The following HFM1 variants were observed in gnomAD, a reference collection of about 807,000 sequenced individuals.
The protein encoded by HFM1 is helicase for meiosis 1.
HFM1 carries 169 observed loss-of-function variants against 192.1 expected under a neutral mutation model. The observed-to-expected ratio is 0.88, with a 90% CI of 0.78 to 1.00. HFM1 has a LOEUF of 1.00. Ranked by LOEUF, HFM1 falls within the 50% of genes least tolerant of loss-of-function variation. The pLI is 0.00. For missense variants in HFM1, 1,661 were observed against 1,668.0 expected (o/e 1.00, Z 0.07); for synonymous variants, 525 against 537.8 (o/e 0.98, Z 0.33).
intron 20 of HFM1, among the ~76,000 whole-genome samples, chr1:91,335,529 T>G (rs1654445828): frequency 6.6e-6 from 1 of 152,158 alleles, no homozygotes; most frequent in African/African-American, 2.4e-5. Flanking sequence ...TGAAAAGTAA[T>G]TTTTAAAGAT....
chr1:91,380,551 C>T (rs934465618), intron 7 of HFM1, among the ~76,000 whole-genome samples: 3 of 152,002 alleles, frequency 2.0e-5, no homozygotes, highest in Non-Finnish European at 4.4e-5. Context: ...GTCAGGAGTT[C>T]GAGACCAGCC....
chr1:91,286,052 C>A (rs993992652), intron 30 of HFM1, among the ~76,000 whole-genome samples: 1 of 152,132 alleles, frequency 6.6e-6, no homozygotes, highest in Non-Finnish European at 1.5e-5. Context: ...CAAAGAGAAG[C>A]TGTAGTTTCC....
intron 31 of HFM1, 68 bp downstream of exon 31, chr1:91,276,914 G>A: frequency 1.1e-6 from 1 of 935,364 alleles, no homozygotes; most frequent in Non-Finnish European, 1.6e-6. Flanking sequence ...TAATTAGGAT[G>A]TCATTACTAT....
chr1:91,278,642 C>T (rs541394627), intron 30 of HFM1, among the ~76,000 whole-genome samples: 3 of 152,232 alleles, frequency 2.0e-5, no homozygotes, highest in South Asian at 2.1e-4. Context: ...AGTCATGGCA[C>T]GTCTAGACAG....
At chr1:91,391,331 A>G (rs1057442295) in intron 4 of HFM1, among the ~76,000 whole-genome samples, 3 of 152,246 alleles carry the variant, frequency 2.0e-5, no homozygotes, top group Non-Finnish European at 4.4e-5. Context: ...TGGAGGCATC[A>G]CGCTACCTAA....
rs1372928795 is a variant in HFM1 at position 91,314,044 on chromosome 1, T to C, written c.3157A>G (p.Lys1053Glu). 2 of 1,605,790 alleles carry C rather than the reference T, an allele frequency of 1.2e-6. No homozygotes were observed. Among genetic ancestry groups the C allele is most frequent in the East Asian group, 2.2e-5 (1 of 44,626 alleles). Residue 1053 changes from lysine (K) to glutamate (E), a missense_variant, in exon 29 of 39, where the codon AAA becomes GAA. By Grantham distance (56) the Lys-to-Glu change is moderately conservative. Coordinates refer to ENST00000370425, the MANE Select transcript of HFM1 (RefSeq NM_001017975.6). ...LHKITDSVLL[K>E]AGSWAKKIAV... is the part of the protein sequence containing the mutation. ...ATCTTTTTAGCCCAACTTCCAGCTT[T>C]TAGCAAAACAGAATCCCTGAAAAAT...
In HFM1 at chr1:91,385,246, A is replaced by T; in HGVS notation, c.755-12T>A. The T allele has an allele frequency of 6.8e-7, 1 of 1,479,926 alleles. No homozygotes were observed. The highest frequency in any genetic ancestry group is 1.2e-5 in the South Asian group (1 of 83,544). 91.7% of individuals were successfully genotyped at this position (1,479,926 alleles called of 1,614,324 possible). On this transcript the variant is annotated splice_polypyrimidine_tract_variant and intron_variant, in intron 5 of 38. Coordinates refer to ENST00000370425, the MANE Select transcript of HFM1 (RefSeq NM_001017975.6). The stretch of plus-strand genomic sequence containing the variant: ...ATTTTCTGTTACCTCTGAAAAAAAA[A>T]TGCTACATATTTATATAAATATCAA...
Position 91,344,146 on chromosome 1 carries a change from C to T in HFM1, c.2255-636G>A, listed in dbSNP as rs576206834. Among the ~76,000 whole-genome samples, 6 of 152,266 alleles carry T rather than the reference C, an allele frequency of 3.9e-5. No homozygotes were observed. The East Asian group carries it at 9.7e-4, about 25-fold the overall frequency. ...TTTGTTTCTCTGACAGGAAGCAATG[C>T]TAGTTCATGCTCACTATTGATGGGG... On this transcript the variant is annotated intron_variant, in intron 19 of 38. Coordinates refer to ENST00000370425, the MANE Select transcript of HFM1 (RefSeq NM_001017975.6).
At chr1:91,391,322 G>T (rs1379593193) in intron 4 of HFM1, among the ~76,000 whole-genome samples, 1 of 152,206 alleles carries the variant, frequency 6.6e-6, no homozygotes, top group Non-Finnish European at 1.5e-5. Context: ...GAACAAAGCT[G>T]GAGGCATCAC....
chr1:91,277,054 C>T lies in HFM1; in HGVS notation c.3400G>A (p.Ala1134Thr), dbSNP rs1393966301. The change falls in exon 31 of 39, where the codon GCC becomes ACC. Residue 1134 changes from alanine (A) to threonine (T), a missense_variant. Ala to Thr is a moderately conservative substitution (Grantham distance 58, BLOSUM62 0). Coordinates refer to ENST00000370425, the MANE Select transcript of HFM1 (RefSeq NM_001017975.6). ...TCTCGGTTCCCAGGTTTTTTGCTGG[C>T]AGTCGTTCCTAAATTAATATAAGAA... is the stretch of plus-strand genomic sequence containing the variant. Reference protein sequence around the residue: ...TIAGPNKGTTASKKPGNRECN... With the variant: ...TIAGPNKGTTTSKKPGNRECN... 8 of 1,583,462 alleles carry T rather than the reference C, an allele frequency of 5.1e-6. No homozygotes were observed. The Admixed American group carries it at 1.4e-4, about 27-fold the overall frequency.
chr1:91,296,886 T>A (rs1647680719), intron 30 of HFM1, among the ~76,000 whole-genome samples: 1 of 152,182 alleles, frequency 6.6e-6, no homozygotes, highest in African/African-American at 2.4e-5. Context: ...ACAGGTGATT[T>A]CTGCATTTCT....
At position 91,334,959 on chromosome 1, in the gene HFM1, A is replaced by T. The variant is rs184880859; in HGVS notation, c.2335+8471T>A. On this transcript the variant is annotated intron_variant, in intron 20 of 38. Coordinates refer to ENST00000370425, the MANE Select transcript of HFM1 (RefSeq NM_001017975.6). ...AAAAAAAAAAAAGTTACTGGATTCG[A>T]TAAGTTGTCTAAAAACATTCCAAAG... 1.2e-4 allele frequency among the ~76,000 whole-genome samples: 18 copies of T among 152,168 alleles called. No homozygotes were observed. In the East Asian group the frequency reaches 3.3e-3, roughly 28 times the overall value.
At chr1:91,406,181 C>T (rs1033052712), upstream of HFM1, among the ~76,000 whole-genome samples, 4 of 152,202 alleles carry the variant, frequency 2.6e-5, no homozygotes, top group Middle Eastern at 3.2e-3. Context: ...AGGAGGCCCT[C>T]GCCAAATACC....
In HFM1 at chr1:91,382,725, A is replaced by C. The variant is rs1557500513; in HGVS notation, c.803-1743T>G. Among the ~76,000 whole-genome samples the C allele has an allele frequency of 2.6e-5, 4 of 152,236 alleles. No individual in the cohort carries two copies. The South Asian group carries it at 8.3e-4, about 31-fold the overall frequency. On this transcript the variant is annotated intron_variant, in intron 6 of 38. Coordinates refer to ENST00000370425, the MANE Select transcript of HFM1 (RefSeq NM_001017975.6). Reference sequence around the variant, plus strand: ...GGTTTTTCTCTCATTAGATAGTTCCATATCATTCACAAAATGAATCTTTGA... The same window carrying C: ...GGTTTTTCTCTCATTAGATAGTTCCCTATCATTCACAAAATGAATCTTTGA...
At chr1:91,293,011 T>C (rs1668961140) in intron 30 of HFM1, among the ~76,000 whole-genome samples, 1 of 152,160 alleles carries the variant, frequency 6.6e-6, no homozygotes. Flanking sequence ...TGTAGAAAGC[T>C]GAAACTGGAT....
At chr1:91,400,201 T>C (rs1456136140) in intron 2 of HFM1, among the ~76,000 whole-genome samples, 1 of 152,188 alleles carries the variant, frequency 6.6e-6, no homozygotes, top group Non-Finnish European at 1.5e-5. Context: ...AATTGAACAA[T>C]GCACATGAAA....
At chr1:91,313,897 T>C (rs925434248) in intron 29 of HFM1, 60 bp downstream of exon 29, 2 of 903,846 alleles carry the variant, frequency 2.2e-6, no homozygotes, top group Non-Finnish European at 3.5e-6. Flanking sequence ...ATAAAGGATG[T>C]AATTTTTAAA....
intron 13 of HFM1, among the ~76,000 whole-genome samples, chr1:91,358,689 A>G (rs1042357871): frequency 6.6e-6 from 1 of 152,214 alleles, no homozygotes; most frequent in African/African-American, 2.4e-5. Flanking sequence ...TAAAACTCCC[A>G]GAAGAGAACA....
At chr1:91,266,764 C>G (rs951947046) in intron 35 of HFM1, among the ~76,000 whole-genome samples, 1 of 152,072 alleles carries the variant, frequency 6.6e-6, no homozygotes, top group Non-Finnish European at 1.5e-5. Flanking sequence ...TTGCAGTACC[C>G]AATGACACTT....
Sources: gnomAD v4.1 joint callset for allele counts (sites outside exome capture counted in the v4.1 genomes callset) on GRCh38, gnomAD v4.1.1 for gene constraint, MANE v1.5 for transcripts, NCBI Gene and HGNC (gene_info 2026-07-23, HGNC 2026-07-21) for gene names.